The following PTPRQ variants were observed in gnomAD, a reference collection of about 807,000 sequenced individuals.
The protein encoded by PTPRQ is phosphatidylinositol phosphatase PTPRQ.
PTPRQ carries 199 observed loss-of-function variants against 246.0 expected under a neutral mutation model. That is an observed-to-expected ratio of 0.81 (90% CI 0.72 to 0.91). PTPRQ has a LOEUF of 0.91. Ranked by LOEUF, PTPRQ falls within the 40% of genes least tolerant of loss-of-function variation. PTPRQ has a pLI of 0.00. For missense variants in PTPRQ, 2,624 were observed against 2,528.4 expected (o/e 1.04, Z -0.81); for synonymous variants, 869 against 853.2 (o/e 1.02, Z -0.32).
intron 35 of PTPRQ, among the ~76,000 whole-genome samples, chr12:80,643,113 C>A (rs1042606373): frequency 1.3e-5 from 2 of 151,714 alleles, no homozygotes; most frequent in Non-Finnish European, 2.9e-5. Flanking sequence ...TAATACATAT[C>A]ATTTACTATT....
chr12:80,602,753 C>T (rs1898185449), intron 26 of PTPRQ, among the ~76,000 whole-genome samples: 2 of 151,750 alleles, frequency 1.3e-5, no homozygotes, highest in African/African-American at 4.8e-5. Flanking sequence ...ATGATAGTAA[C>T]ATCTTATAGC....
intron 30 of PTPRQ, among the ~76,000 whole-genome samples, chr12:80,617,717 G>A (rs1322876079): frequency 1.3e-5 from 2 of 151,304 alleles, no homozygotes; most frequent in African/African-American, 4.8e-5. Context: ...TCTTAGTGGT[G>A]GGATCCTAGA....
chr12:80,459,218 A>G (rs1189039399), intron 4 of PTPRQ, 66 bp from the exon 5 acceptor site: 2 of 397,388 alleles, frequency 5.0e-6, no homozygotes, highest in African/African-American at 4.1e-5. Flanking sequence ...GTACCATGAA[A>G]TTATATAAAT....
In PTPRQ at chr12:80,549,413, T is replaced by C. The variant is rs894275679; in HGVS notation, c.4016-52T>C. The stretch of plus-strand genomic sequence containing the variant: ...AGTGATCACGTAATTCAATCAATTA[T>C]CTACTTACATATGTATACACTTTAA... On this transcript the variant is annotated intron_variant, in intron 24 of 44. Transcript: ENST00000644991. 3.4e-6 allele frequency: 5 copies of C among 1,461,344 alleles called. No individual in the cohort carries two copies. In the African/African-American group the frequency reaches 4.3e-5, roughly 12 times the overall value. 90.5% of individuals were successfully genotyped at this position (1,461,344 alleles called of 1,614,324 possible). A position where few individuals can be genotyped will look rare whatever the true frequency, so the allele number is the denominator to read the frequency against.
chr12:80,537,833 G>A (rs1850871013), intron 19 of PTPRQ, among the ~76,000 whole-genome samples: 1 of 152,158 alleles, frequency 6.6e-6, no homozygotes, highest in Non-Finnish European at 1.5e-5. Context: ...AAATGGGCCG[G>A]GTGTGGTGGC....
chr12:80,549,221 C>T (rs778570463), intron 24 of PTPRQ, among the ~76,000 whole-genome samples: 27 of 152,026 alleles, frequency 1.8e-4, no homozygotes, highest in Non-Finnish European at 3.8e-4. Context: ...ATTGGTGCTT[C>T]GAACTGGAAG....
At chr12:80,593,781 AC>A (rs1162540565) in intron 26 of PTPRQ, 1 of 152,164 alleles carries the variant, frequency 6.6e-6, no homozygotes, top group Non-Finnish European at 1.5e-5. Context: ...ATGTAAAGTC[AC>A]AAGCTGTTAA....
chr12:80,640,114 G>A (rs1234553098), intron 35 of PTPRQ, among the ~76,000 whole-genome samples: 3 of 151,350 alleles, frequency 2.0e-5, no homozygotes, highest in Non-Finnish European at 4.4e-5. Context: ...TTCTTAAATA[G>A]ACAAAGACCC....
At chr12:80,521,598 A>G (rs1895489383) in intron 17 of PTPRQ, among the ~76,000 whole-genome samples, 1 of 152,034 alleles carries the variant, frequency 6.6e-6, no homozygotes, top group Non-Finnish European at 1.5e-5. Flanking sequence ...CAGTTTTCCC[A>G]GCACCATTTA....
chr12:80,537,416 T>C (rs1317347), intron 19 of PTPRQ, among the ~76,000 whole-genome samples: 1 of 152,224 alleles, frequency 6.6e-6, no homozygotes, highest in African/African-American at 2.4e-5. Context: ...CCGATAACTG[T>C]TGCTTCTCTT....
chr12:80,468,743 G>C lies in PTPRQ; in HGVS notation c.944G>C (p.Gly315Ala), dbSNP rs751850575. Residue 315 changes from glycine to alanine, a missense_variant, in exon 7 of 45, where the codon GGC (glycine) becomes GCC (alanine). By Grantham distance (60) the Gly-to-Ala change is moderately conservative (BLOSUM62 0). Transcript: ENST00000644991. ...PEGPPQNCVT[G>A]NITGKSFSIL... ...GGACCACCACAAAACTGCGTAACAGGCAACATCACAGGAAAGTCCTTTTCA... is the reference window on the plus strand; with the variant it reads ...GGACCACCACAAAACTGCGTAACAGCCAACATCACAGGAAAGTCCTTTTCA... 9.0e-6 allele frequency: 14 copies of C among 1,549,078 alleles called. No homozygotes were observed. Among genetic ancestry groups the C allele is most frequent in the Non-Finnish European group, 1.1e-5 (13 of 1,146,008 alleles).
chr12:80,626,622 T>C (rs1278692723), intron 33 of PTPRQ, among the ~76,000 whole-genome samples: 4 of 152,142 alleles, frequency 2.6e-5, no homozygotes, highest in African/African-American at 4.8e-5. Flanking sequence ...TTTTTAACCA[T>C]CCCAAAGGTG....
chr12:80,670,132 C>A (rs912545947), intron 41 of PTPRQ, among the ~76,000 whole-genome samples: 1 of 151,796 alleles, frequency 6.6e-6, no homozygotes, highest in Non-Finnish European at 1.5e-5. Flanking sequence ...CATTTATTTC[C>A]AAGCTTTCTT....
rs535959398 is a variant in PTPRQ at position 80,577,766 on chromosome 12, T to C, written c.4286-10363T>C. On this transcript the variant is annotated intron_variant, in intron 25 of 44. Coordinates refer to ENST00000644991, the MANE Select transcript of PTPRQ (RefSeq NM_001145026.2). Reference sequence around the variant, plus strand: ...ACAGATACAAAACAATTTTAAAATATCTTACTCCTATTTCATGCACATTGA... The same window carrying C: ...ACAGATACAAAACAATTTTAAAATACCTTACTCCTATTTCATGCACATTGA... 1.7e-4 allele frequency among the ~76,000 whole-genome samples: 26 copies of C among 152,244 alleles called. 1 individual carries two copies. The South Asian group carries it at 4.1e-3, about 24-fold the overall frequency.
chr12:80,651,105 C>A (rs189537784), intron 37 of PTPRQ, among the ~76,000 whole-genome samples: 1 of 151,962 alleles, frequency 6.6e-6, no homozygotes, highest in Non-Finnish European at 1.5e-5. Flanking sequence ...TGACTTTGGG[C>A]AAATTTCTTA....
intron 3 of PTPRQ, among the ~76,000 whole-genome samples, chr12:80,446,848 C>T (rs1892570175): frequency 2.0e-5 from 3 of 151,896 alleles, no homozygotes; most frequent in Admixed American, 2.0e-4. Flanking sequence ...ATTCCATGAC[C>T]TTGCTATTGT....
intron 25 of PTPRQ, among the ~76,000 whole-genome samples, chr12:80,568,915 T>C (rs1302233885): frequency 6.6e-6 from 1 of 152,184 alleles, no homozygotes; most frequent in Non-Finnish European, 1.5e-5. Flanking sequence ...ATACCCAATA[T>C]ATGATAGTAA....
In PTPRQ at chr12:80,619,429, C is replaced by T; in HGVS notation, c.5276C>T (p.Thr1759Ile). The T allele has an allele frequency of 6.5e-7, 1 of 1,548,114 alleles. No homozygotes were observed. Among genetic ancestry groups the T allele is most frequent in the Non-Finnish European group, 8.7e-7 (1 of 1,144,744 alleles). The change falls in exon 31 of 45, where the codon ACA becomes ATA. Residue 1759 changes from threonine to isoleucine, a missense_variant. Transcript: ENST00000644991. ...KTKPTPIYDA[T>I]GKLLVTSTTI... ...AAACCAACCCCTATTTATGATGCCA[C>T]AGGAAAACTGCTTGTGACTTCAACA...
At chr12:80,593,714 C>A (rs1897877682) in intron 26 of PTPRQ, 1 of 151,964 alleles carries the variant, frequency 6.6e-6, no homozygotes, top group Non-Finnish European at 1.5e-5. Context: ...ATCTATTTTT[C>A]TGATTATCCT....
Sources: allele counts gnomAD v4.1 joint callset (sites outside exome capture counted in the v4.1 genomes callset), GRCh38; gene constraint gnomAD v4.1.1; transcripts MANE v1.5; gene names NCBI Gene and HGNC (gene_info 2026-07-23, HGNC 2026-07-21).